The following PCDHA4 variants were observed in gnomAD, a reference collection of about 807,000 sequenced individuals.
PCDHA4 encodes the protein protocadherin alpha-4.
In PCDHA4, 49 loss-of-function variants were observed where a neutral mutation model predicts 61.4. The observed-to-expected ratio is 0.80, with a 90% confidence interval of 0.63 to 1.01. The LOEUF (loss-of-function observed/expected upper bound fraction) is 1.01. PCDHA4 is among the 50% of genes least tolerant of loss of function. The pLI, the probability that PCDHA4 is intolerant of heterozygous loss-of-function variation, is 0.00. For synonymous variants in PCDHA4, 590 were observed against 550.3 expected (o/e 1.07, Z -1.01); for missense variants, 1,254 against 1,235.8 (o/e 1.01, Z -0.22).
chr5:140,836,052 G>C, intron 1 of PCDHA4: 2 of 1,613,612 alleles, frequency 1.2e-6, no homozygotes, highest in Non-Finnish European at 1.7e-6. Flanking sequence ...GTTCGTGCTG[G>C]ACGAGAACGA....
In PCDHA4 at chr5:140,809,384, G is replaced by A. The variant is rs1379248044; in HGVS notation, c.2197G>A (p.Ala733Thr). ...TGCGCTGCCCACCGAGGGCGCGTGC[G>A]CTCCGGGCAAGCCCACGCTGGTGTG... Reference protein sequence around the residue: ...CSALPTEGACAPGKPTLVCSS... With the variant: ...CSALPTEGACTPGKPTLVCSS... Residue 733 changes from alanine to threonine, a missense_variant, in exon 1 of 4, where the codon GCT becomes ACT. Transcript: ENST00000530339. 6.2e-7 allele frequency: 1 copy of A among 1,614,062 alleles called. No homozygotes were observed. Among genetic ancestry groups the A allele is most frequent in the Non-Finnish European group, 8.5e-7 (1 of 1,179,952 alleles).
At chr5:140,969,765 G>T (rs1445266469) in intron 1 of PCDHA4, among the ~76,000 whole-genome samples, 5 of 152,148 alleles carry the variant, frequency 3.3e-5, no homozygotes, top group Non-Finnish European at 7.3e-5. Flanking sequence ...AAGCTCTGAG[G>T]CCTCTAGGGG....
chr5:140,916,406 G>A (rs988786781), intron 1 of PCDHA4, among the ~76,000 whole-genome samples: 1 of 152,186 alleles, frequency 6.6e-6, no homozygotes, highest in Admixed American at 6.5e-5. Flanking sequence ...GATCACACCT[G>A]AAGTCAGCAC....
chr5:140,940,510 G>T (rs1477590604), intron 1 of PCDHA4, among the ~76,000 whole-genome samples: 1 of 151,778 alleles, frequency 6.6e-6, no homozygotes, highest in Non-Finnish European at 1.5e-5. Context: ...TCGCTCAGGC[G>T]TGATCATAGC....
chr5:140,822,361 A>G, intron 1 of PCDHA4: 2 of 1,614,164 alleles, frequency 1.2e-6, no homozygotes, highest in Non-Finnish European at 1.7e-6. Flanking sequence ...GCTGGTTTTG[A>G]GGAAATCCTT....
At chr5:140,972,480 C>A (rs558245112) in intron 1 of PCDHA4, among the ~76,000 whole-genome samples, 2 of 151,890 alleles carry the variant, frequency 1.3e-5, no homozygotes, top group East Asian at 3.9e-4. Context: ...AGCATTTAAC[C>A]CCAGACTCTA....
At chr5:140,883,226 G>T (rs572696678) in intron 1 of PCDHA4, 82 of 1,613,938 alleles carry the variant, frequency 5.1e-5, no homozygotes, top group South Asian at 4.2e-4. Flanking sequence ...TGAAATATCC[G>T]TGGAGGCAGT....
At chr5:140,865,535 T>C (rs2048909108) in intron 1 of PCDHA4, 3 of 152,192 alleles carry the variant, frequency 2.0e-5, no homozygotes, top group South Asian at 2.1e-4. Context: ...TCTTCATCCA[T>C]AGCTATAGGA....
intron 1 of PCDHA4, among the ~76,000 whole-genome samples, chr5:140,939,281 G>A (rs1554212652): frequency 6.6e-6 from 1 of 152,014 alleles, no homozygotes; most frequent in African/African-American, 2.4e-5. Context: ...CTGTGCCCTC[G>A]TGATCTAATC....
intron 1 of PCDHA4, chr5:140,823,050 C>G: frequency 6.2e-7 from 1 of 1,614,184 alleles, no homozygotes; most frequent in Non-Finnish European, 8.5e-7. Context: ...TGGTGGTGAC[C>G]GCGCGGGACG....
At chr5:140,929,349 A>G in intron 1 of PCDHA4, 1 of 1,530,382 alleles carries the variant, frequency 6.5e-7, no homozygotes, top group Non-Finnish European at 8.8e-7. Context: ...ATGGAATTTG[A>G]TTCCTTTGGC....
At chr5:140,829,609 C>T (rs1562309230) in intron 1 of PCDHA4, 3 of 1,612,110 alleles carry the variant, frequency 1.9e-6, no homozygotes, top group Non-Finnish European at 2.5e-6. Flanking sequence ...CGTTGTCGAG[C>T]TACATTTCGG....
chr5:140,941,255 C>CTTTCTTTCTTTCTTTCTTTCTCTT (rs782490896), intron 1 of PCDHA4, among the ~76,000 whole-genome samples: 1 of 44,508 alleles, frequency 2.2e-5, no homozygotes, highest in Non-Finnish European at 5.1e-5. Flanking sequence ...TTCTTTCTTT[C>CTTTCTTTCTTTCTTTCTTTCTCTT]TCTTTCTTTC....
Position 140,848,772 on chromosome 5 carries a change from G to C in PCDHA4, c.2385+39200G>C, listed in dbSNP as rs2150420106. 4 of 1,593,480 alleles carry C rather than the reference G, an allele frequency of 2.5e-6. No individual in the cohort carries two copies. In the African/African-American group the frequency reaches 5.4e-5, roughly 21 times the overall value. ...GTTTGTGAATTCTCGGATCGACCGC[G>C]AGGAGCTGTGCGGGCGGAGCGCGGA... On this transcript the variant is annotated intron_variant, in intron 1 of 3. Coordinates refer to ENST00000530339, the MANE Select transcript of PCDHA4 (RefSeq NM_018907.4).
In PCDHA4 at chr5:140,862,537, C is replaced by A. The variant is rs56017024; in HGVS notation, c.2385+52965C>A. The A allele has an allele frequency of 9.8e-3, 4,308 of 440,540 alleles. 34 individuals carry two copies. The highest frequency in any genetic ancestry group is 0.014 in the Non-Finnish European group (3,070 of 217,342). The allele number at this position is 440,540 out of a possible 1,614,324, so 27.3% of individuals were successfully genotyped here. A position where few individuals can be genotyped will look rare whatever the true frequency, so the allele number is the denominator to read the frequency against. On this transcript the variant is annotated intron_variant, in intron 1 of 3. Transcript: ENST00000530339. The stretch of plus-strand genomic sequence containing the variant: ...CATTGTTGGCCACAGCCATCGGGTC[C>A]GTGGAAGTGGCCGAACAGTGAACCA...
At chr5:140,875,723 T>G in intron 1 of PCDHA4, 1 of 1,614,194 alleles carries the variant, frequency 6.2e-7, no homozygotes, top group South Asian at 1.1e-5. Context: ...AATGGCATTT[T>G]GTTTGTGAAT....
At chr5:141,007,030 A>G (rs1554261014) in intron 3 of PCDHA4, among the ~76,000 whole-genome samples, 1 of 152,186 alleles carries the variant, frequency 6.6e-6, no homozygotes, top group African/African-American at 2.4e-5. Flanking sequence ...TATGGTATTT[A>G]TATCTATGGA....
intron 1 of PCDHA4, among the ~76,000 whole-genome samples, chr5:140,901,260 T>G (rs1554189701): frequency 1.3e-5 from 2 of 152,190 alleles, no homozygotes; most frequent in African/African-American, 2.4e-5. Flanking sequence ...CCTGTGATTG[T>G]GGGGTATTAC....
At chr5:140,965,994 T>C (rs1377339531) in intron 1 of PCDHA4, among the ~76,000 whole-genome samples, 1 of 152,130 alleles carries the variant, frequency 6.6e-6, no homozygotes, top group Non-Finnish European at 1.5e-5. Context: ...TCTGCAGTAC[T>C]TAAGAGTGTC....
Sources: allele counts gnomAD v4.1 joint callset (sites outside exome capture counted in the v4.1 genomes callset), GRCh38; gene constraint gnomAD v4.1.1; transcripts MANE v1.5; gene names NCBI Gene and HGNC (gene_info 2026-07-23, HGNC 2026-07-21).